SORCS1: variants seen among roughly 807,000 people sequenced by gnomAD.
The protein encoded by SORCS1 is VPS10 domain-containing receptor SorCS1.
A neutral mutation model predicts 146.1 loss-of-function variants in SORCS1; 60 were observed. That is an observed-to-expected ratio of 0.41 (90% CI 0.33 to 0.51). The LOEUF (loss-of-function observed/expected upper bound fraction) is 0.51, where lower values mean the gene tolerates loss of function less well. SORCS1 is among the 20% of genes least tolerant of loss of function. The probability of loss-of-function intolerance (pLI) is 0.21; values close to 1 mark genes in which losing one functional copy is unlikely to be tolerated. For synonymous variants in SORCS1, 637 were observed against 584.0 expected (o/e 1.09, Z -1.31); for missense variants, 1,352 against 1,487.6 (o/e 0.91, Z 1.50).
chr10:106,652,656 A>G, intron 17 of SORCS1, 103 bp from the exon 18 acceptor site: 1 of 1,275,364 alleles, frequency 7.8e-7, no homozygotes, highest in Non-Finnish European at 1.1e-6. Context: ...ACCATCAGTA[A>G]GCACCTAACC....
chr10:106,777,815 G>A (rs1304682668), intron 3 of SORCS1, among the ~76,000 whole-genome samples: 1 of 152,146 alleles, frequency 6.6e-6, no homozygotes, highest in Non-Finnish European at 1.5e-5. Context: ...AATGTCTCCA[G>A]ACAGGTGGCC....
intron 6 of SORCS1, among the ~76,000 whole-genome samples, chr10:106,722,144 C>CACACACAA (rs1855828030): frequency 6.6e-6 from 1 of 151,428 alleles, no homozygotes; most frequent in Admixed American, 6.6e-5. Flanking sequence ...CACACACACA[C>CACACACAA]ACACATATAT....
chr10:107,042,964 C>A (rs919837174), intron 1 of SORCS1, among the ~76,000 whole-genome samples: 31 of 152,130 alleles, frequency 2.0e-4, no homozygotes, highest in African/African-American at 7.5e-4. Context: ...CTGTGGTTAT[C>A]CCAAGAATAA....
intron 1 of SORCS1, among the ~76,000 whole-genome samples, chr10:107,083,110 CAAAAAAAAAAAA>C (rs538577059): frequency 3.3e-5 from 2 of 60,486 alleles, no homozygotes; most frequent in African/African-American, 1.2e-4. Flanking sequence ...CTCCAACTCA[CAAAAAAAAAAAA>C]AAAAAAAAAG....
intron 3 of SORCS1, among the ~76,000 whole-genome samples, chr10:106,812,023 T>C (rs777991032): frequency 1.6e-4 from 24 of 152,126 alleles, no homozygotes; most frequent in Admixed American, 4.6e-4. Context: ...TGTTTTGAGA[T>C]GGAGTCTAGC....
intron 4 of SORCS1, among the ~76,000 whole-genome samples, chr10:106,764,368 T>C (rs1859380968): frequency 6.6e-6 from 1 of 152,202 alleles, no homozygotes; most frequent in African/African-American, 2.4e-5. Context: ...AGCAAAGTGC[T>C]CCTCCACAAA....
At chr10:106,933,608 G>A (rs1953532075) in intron 2 of SORCS1, among the ~76,000 whole-genome samples, 1 of 152,060 alleles carries the variant, frequency 6.6e-6, no homozygotes, top group Non-Finnish European at 1.5e-5. Context: ...GAAACACAAT[G>A]ATATCTGAAC....
intron 18 of SORCS1, among the ~76,000 whole-genome samples, chr10:106,636,672 C>T (rs1222254690): frequency 6.6e-6 from 1 of 152,190 alleles, no homozygotes; most frequent in Non-Finnish European, 1.5e-5. Flanking sequence ...CCCACCAGGT[C>T]CTTCCCTCGA....
chr10:106,886,183 AC>A (rs1418600500), intron 2 of SORCS1, among the ~76,000 whole-genome samples: 1 of 152,042 alleles, frequency 6.6e-6, no homozygotes, highest in Non-Finnish European at 1.5e-5. Flanking sequence ...AAGCACTTGA[AC>A]CCAGGAGGTG....
At chr10:107,105,476 G>A (rs921499248) in intron 1 of SORCS1, among the ~76,000 whole-genome samples, 5 of 152,304 alleles carry the variant, frequency 3.3e-5, no homozygotes, top group South Asian at 2.1e-4. Context: ...GTCCCAAAAC[G>A]TCAGAAGTCG....
At chr10:107,009,555 G>A (rs1201919949) in intron 1 of SORCS1, among the ~76,000 whole-genome samples, 2 of 152,166 alleles carry the variant, frequency 1.3e-5, no homozygotes, top group Non-Finnish European at 2.9e-5. Flanking sequence ...CAATGTTATT[G>A]AGTTTAGGAC....
chr10:107,168,036 A>C (rs1374065830), upstream of SORCS1, among the ~76,000 whole-genome samples: 2 of 152,130 alleles, frequency 1.3e-5, no homozygotes, highest in African/African-American at 4.8e-5. Flanking sequence ...CAAACAGAAT[A>C]ATATCCAAAC....
intron 17 of SORCS1, among the ~76,000 whole-genome samples, chr10:106,658,488 A>G (rs1290545870): frequency 6.6e-6 from 1 of 152,286 alleles, no homozygotes; most frequent in East Asian, 1.9e-4. Flanking sequence ...TCACAATAAA[A>G]AAAAAGCATA....
chr10:106,844,070 A>T (rs1464597223), intron 2 of SORCS1, among the ~76,000 whole-genome samples: 1 of 152,192 alleles, frequency 6.6e-6, no homozygotes, highest in Non-Finnish European at 1.5e-5. Context: ...ATATTTTGAT[A>T]AAAAACATCC....
intron 2 of SORCS1, among the ~76,000 whole-genome samples, chr10:106,881,897 C>T (rs1385627243): frequency 6.6e-6 from 1 of 152,186 alleles, no homozygotes; most frequent in Non-Finnish European, 1.5e-5. Flanking sequence ...CTGCAAAATA[C>T]TGTGGGCACA....
rs1590142209 is a variant in SORCS1, at chr10:107,102,883, G to T, written c.558+61086C>A. ...AATCCCTGTCCACAATATTTTATTA[G>T]CATTATGCTTACCCTACTGAGGAGT... On this transcript the variant is annotated intron_variant, in intron 1 of 25. Coordinates refer to ENST00000263054, the MANE Select transcript of SORCS1 (RefSeq NM_052918.5). Among the ~76,000 whole-genome samples, 3 of 152,168 alleles carry T rather than the reference G, an allele frequency of 2.0e-5. No homozygotes were observed. In the Middle Eastern group the frequency reaches 0.01, roughly 518 times the overall value.
At chr10:106,774,348 T>C (rs907315483) in intron 4 of SORCS1, among the ~76,000 whole-genome samples, 3 of 152,112 alleles carry the variant, frequency 2.0e-5, no homozygotes, top group African/African-American at 7.2e-5. Context: ...TGAAGGCTCC[T>C]AATTAAGGAA....
chr10:106,697,662 T>C (rs1368949707), intron 9 of SORCS1, among the ~76,000 whole-genome samples: 1 of 152,112 alleles, frequency 6.6e-6, no homozygotes, highest in Non-Finnish European at 1.5e-5. Context: ...ATTAAAGCCC[T>C]GTGCTCCGTG....
At chr10:106,593,685 T>C (rs1264849296) in intron 24 of SORCS1, among the ~76,000 whole-genome samples, 3 of 152,196 alleles carry the variant, frequency 2.0e-5, no homozygotes, top group Admixed American at 2.0e-4. Context: ...CTATCAAAAC[T>C]AACAGGAAAG....
Sources: allele counts gnomAD v4.1 joint callset (sites outside exome capture counted in the v4.1 genomes callset), GRCh38; gene constraint gnomAD v4.1.1; transcripts MANE v1.5; gene names NCBI Gene and HGNC (gene_info 2026-07-23, HGNC 2026-07-21).